The following PLCB4 variants were observed in gnomAD, a reference collection of about 807,000 sequenced individuals.
The protein encoded by PLCB4 is phospholipase C beta 4.
Under a neutral mutation model 178.8 loss-of-function variants are expected in PLCB4, and 77 were observed. The observed-to-expected ratio is 0.43, with a 90% CI of 0.36 to 0.52. The LOEUF is 0.52. Among genes scored for constraint, PLCB4 ranks in the 20% least tolerant of loss-of-function variants. The probability of loss-of-function intolerance (pLI) is 0.00; values close to 1 mark genes in which losing one functional copy is unlikely to be tolerated. For synonymous variants in PLCB4, 496 were observed against 490.8 expected (o/e 1.01, Z -0.14); for missense variants, 1,024 against 1,453.4 (o/e 0.70, Z 4.80).
chr20:9,204,612 T>A (rs1269959115), intron 2 of PLCB4, among the ~76,000 whole-genome samples: 2 of 151,962 alleles, frequency 1.3e-5, no homozygotes, highest in African/African-American at 4.8e-5. Context: ...ATCTGCCTGC[T>A]TCAGCCTCCC....
At chr20:9,269,210 C>T (rs1048677122) in intron 3 of PLCB4, among the ~76,000 whole-genome samples, 1 of 152,148 alleles carries the variant, frequency 6.6e-6, no homozygotes, top group Non-Finnish European at 1.5e-5. Flanking sequence ...CACGGATATG[C>T]AAACATTTAA....
chr20:9,119,081 A>G (rs1306374584), intron 2 of PLCB4, among the ~76,000 whole-genome samples: 2 of 152,228 alleles, frequency 1.3e-5, no homozygotes, highest in Middle Eastern at 3.2e-3. Context: ...GCTTTTATTC[A>G]TATTCAAAAG....
intron 3 of PLCB4, among the ~76,000 whole-genome samples, chr20:9,290,180 C>CA (rs5840317): frequency 0.33 from 46,912 of 142,628 alleles, 7,437 homozygotes; most frequent in East Asian, 0.4. Context: ...AAAAAAAAAC[C>CA]AAAAAAAAAA....
In PLCB4 at chr20:9,226,518, T is replaced by TC. The variant is rs543994881; in HGVS notation, c.-16+9069dup. Among the ~76,000 whole-genome samples the TC allele has an allele frequency of 4.0e-3, 603 of 152,312 alleles. 4 individuals carry two copies. The highest frequency in any genetic ancestry group is 0.014 in the African/African-American group (586 of 41,562). On this transcript the variant is annotated intron_variant, in intron 3 of 39. Transcript: ENST00000378473. ...GCTCTGAAACCTGGGACCTGGGTTG[T>TC]CCCATCTGTAAAATGAGCACAGTAT...
At chr20:9,347,060 C>T (rs747991938) in intron 7 of PLCB4, among the ~76,000 whole-genome samples, 9 of 152,196 alleles carry the variant, frequency 5.9e-5, no homozygotes, top group Non-Finnish European at 1.3e-4. Flanking sequence ...TTTATTTGTG[C>T]ATCACCAAAA....
chr20:9,252,654 A>G (rs528575195), intron 3 of PLCB4, among the ~76,000 whole-genome samples: 15 of 152,304 alleles, frequency 9.8e-5, no homozygotes, highest in African/African-American at 3.6e-4. Flanking sequence ...TATTCTGCAT[A>G]TGTCAATGAG....
chr20:9,158,318 T>G (rs2092824431), intron 2 of PLCB4, among the ~76,000 whole-genome samples: 1 of 152,064 alleles, frequency 6.6e-6, no homozygotes. Context: ...CAAGCTGTAG[T>G]GTGGTGACAT....
chr20:9,086,429 C>G (rs2090425441), intron 1 of PLCB4, among the ~76,000 whole-genome samples: 1 of 152,056 alleles, frequency 6.6e-6, no homozygotes, highest in Non-Finnish European at 1.5e-5. Flanking sequence ...GGCTTTGCTA[C>G]TGAGAAGCCG....
chr20:9,444,862 G>C (rs1365951753), intron 32 of PLCB4, among the ~76,000 whole-genome samples: 1 of 152,180 alleles, frequency 6.6e-6, no homozygotes, highest in Non-Finnish European at 1.5e-5. Flanking sequence ...CCAGGTCACT[G>C]TCACATAGTT....
At chr20:9,337,360 A>G (rs2032605117) in intron 5 of PLCB4, among the ~76,000 whole-genome samples, 154 bp downstream of exon 5, 1 of 152,204 alleles carries the variant, frequency 6.6e-6, no homozygotes, top group Non-Finnish European at 1.5e-5. Flanking sequence ...GCATTGAAGT[A>G]TACAGTGATG....
At chr20:9,322,430 A>G (rs1015004284) in intron 4 of PLCB4, among the ~76,000 whole-genome samples, 4 of 152,240 alleles carry the variant, frequency 2.6e-5, no homozygotes, top group Admixed American at 1.3e-4. Flanking sequence ...AATTTATAAA[A>G]TACTTTCTCT....
intron 1 of PLCB4, among the ~76,000 whole-genome samples, chr20:9,082,111 A>G (rs1251162440): frequency 2.6e-4 from 6 of 23,160 alleles, no homozygotes; most frequent in African/African-American, 6.5e-4. Context: ...CTGGAATTAG[A>G]AAAAAAATTT....
At position 9,423,801 on chromosome 20, in the gene PLCB4, C is replaced by T. The variant is rs2040813572; in HGVS notation, c.2373C>T (p.Asn791=). Residue 791 remains asparagine, a synonymous_variant, in exon 28 of 40, where the codon AAC becomes AAT. Transcript: ENST00000378473. Reference sequence around the variant, plus strand: ...GAATAGCTGTGTATGATGATAACAACAAGCTGATTGGCCAGAGGATCCTCC... The same window carrying T: ...GAATAGCTGTGTATGATGATAACAATAAGCTGATTGGCCAGAGGATCCTCC... ...VLRIAVYDDN[N]KLIGQRILPL... 6.2e-7 allele frequency: 1 copy of T among 1,614,024 alleles called. No individual in the cohort carries two copies. Among genetic ancestry groups the T allele is most frequent in the Non-Finnish European group, 8.5e-7 (1 of 1,179,974 alleles).
In PLCB4 at chr20:9,333,982, G is replaced by C. The variant is rs561013037; in HGVS notation, c.85-3144G>C. 1.2e-4 allele frequency among the ~76,000 whole-genome samples: 18 copies of C among 152,228 alleles called. No individual in the cohort carries two copies. The South Asian group carries it at 2.5e-3, about 21-fold the overall frequency. The stretch of plus-strand genomic sequence containing the variant: ...GACATCCTAGTGGAGATGTCAAATA[G>C]CAAATATTTGAACTCACAGAGGAGA... On this transcript the variant is annotated intron_variant, in intron 4 of 39. Coordinates refer to ENST00000378473, the MANE Select transcript of PLCB4 (RefSeq NM_001377142.1).
Position 9,183,158 on chromosome 20 carries a change from A to C in PLCB4, c.-78-34232A>C, listed in dbSNP as rs112072509. Among the ~76,000 whole-genome samples the C allele has an allele frequency of 1.5e-3, 234 of 152,210 alleles. 1 individual carries two copies. Among genetic ancestry groups the C allele is most frequent in the African/African-American group, 5.3e-3 (221 of 41,540 alleles). ...AGAGTTTTCTCTAACTCTCCAGCCC[A>C]AGTCCCTCTTACAGCCCAGGGAAGC... On this transcript the variant is annotated intron_variant, in intron 2 of 39. Coordinates refer to ENST00000378473, the MANE Select transcript of PLCB4 (RefSeq NM_001377142.1).
intron 3 of PLCB4, among the ~76,000 whole-genome samples, chr20:9,243,412 G>T (rs2094088658): frequency 6.6e-6 from 1 of 152,142 alleles, no homozygotes; most frequent in Admixed American, 6.5e-5. Context: ...CTTCAGTGGG[G>T]GTTCTGAATG....
At chr20:9,207,835 A>G (rs1350542189) in intron 2 of PLCB4, among the ~76,000 whole-genome samples, 1 of 152,244 alleles carries the variant, frequency 6.6e-6, no homozygotes, top group Non-Finnish European at 1.5e-5. Context: ...AGAGAGAAAA[A>G]GGAATCAATT....
At chr20:9,418,721 T>C (rs1343863171) in intron 25 of PLCB4, among the ~76,000 whole-genome samples, 1 of 152,160 alleles carries the variant, frequency 6.6e-6, no homozygotes, top group East Asian at 1.9e-4. Context: ...GCTGGGATTT[T>C]GATAGAGATT....
chr20:9,212,179 A>G (rs981105815), intron 2 of PLCB4, among the ~76,000 whole-genome samples: 2 of 152,226 alleles, frequency 1.3e-5, no homozygotes, highest in African/African-American at 4.8e-5. Flanking sequence ...CTTGCAAACT[A>G]GAGAACACCA....
Sources: gnomAD v4.1 joint callset for allele counts (sites outside exome capture counted in the v4.1 genomes callset) on GRCh38, gnomAD v4.1.1 for gene constraint, MANE v1.5 for transcripts, NCBI Gene and HGNC (gene_info 2026-07-23, HGNC 2026-07-21) for gene names.